Variants in RIN2 observed in about 807,000 individuals in gnomAD.
RIN2 encodes the protein Ras and Rab interactor 2.
In RIN2, 36 loss-of-function variants were observed where a neutral mutation model predicts 78.0. The observed-to-expected ratio is 0.46, with a 90% CI of 0.35 to 0.61. RIN2 has a LOEUF of 0.61. Among genes scored for constraint, RIN2 ranks in the 20% least tolerant of loss-of-function variants. RIN2 has a pLI of 0.00. For missense variants in RIN2, 1,087 were observed against 1,159.7 expected (o/e 0.94, Z 0.91); for synonymous variants, 466 against 466.8 (o/e 1.00, Z 0.02).
chr20:19,890,679 C>CAAAAAAAAAAAAAAAAAAAAAAAAAA (rs534202183), intron 3 of RIN2, among the ~76,000 whole-genome samples: 2 of 64,446 alleles, frequency 3.1e-5, no homozygotes, highest in African/African-American at 1.1e-4. Context: ...GTTGACTCTA[C>CAAAAAAAAAAAAAAAAAAAAAAAAAA]AAAAAAAAAA....
intron 11 of RIN2, among the ~76,000 whole-genome samples, chr20:19,995,977 C>T (rs1322910939): frequency 6.6e-6 from 1 of 152,136 alleles, no homozygotes; most frequent in Non-Finnish European, 1.5e-5. Context: ...CCCGTCAGGC[C>T]TTAATACCCC....
intron 4 of RIN2, among the ~76,000 whole-genome samples, chr20:19,937,344 C>A (rs905576011): frequency 6.6e-6 from 1 of 152,150 alleles, no homozygotes; most frequent in East Asian, 1.9e-4. Flanking sequence ...AAAGAAGTGG[C>A]GAGCACCGCC....
At chr20:19,878,514 G>A (rs532137093) in intron 2 of RIN2, among the ~76,000 whole-genome samples, 6 of 152,090 alleles carry the variant, frequency 3.9e-5, no homozygotes, top group African/African-American at 1.4e-4. Flanking sequence ...TTTAAACCAG[G>A]TTTCCCAAGT....
intron 2 of RIN2, among the ~76,000 whole-genome samples, chr20:19,888,221 G>A (rs2038283140): frequency 6.6e-6 from 1 of 152,136 alleles, no homozygotes; most frequent in Non-Finnish European, 1.5e-5. Flanking sequence ...GGAAGGAGGG[G>A]TGGGATGCTC....
chr20:19,825,790 C>T (rs1301080644), intron 2 of RIN2, among the ~76,000 whole-genome samples: 1 of 152,150 alleles, frequency 6.6e-6, no homozygotes, highest in African/African-American at 2.4e-5. Context: ...CACCCTCAAG[C>T]GATGTTTTCT....
chr20:19,916,805 C>G (rs953579424), intron 3 of RIN2, among the ~76,000 whole-genome samples: 24 of 152,230 alleles, frequency 1.6e-4, no homozygotes, highest in Non-Finnish European at 2.8e-4. Flanking sequence ...CACTGTTGTT[C>G]GAGCAGTAGT....
chr20:19,821,836 G>A (rs995520418), intron 2 of RIN2, among the ~76,000 whole-genome samples: 2 of 152,084 alleles, frequency 1.3e-5, no homozygotes, highest in Admixed American at 6.5e-5. Flanking sequence ...GATCTTGTTG[G>A]TAGTGTCTGG....
chr20:19,875,308 G>A (rs1600674909), intron 2 of RIN2, among the ~76,000 whole-genome samples: 3 of 152,098 alleles, frequency 2.0e-5, no homozygotes, highest in South Asian at 4.2e-4. Flanking sequence ...ACAGGCGCAC[G>A]CTACCATGCC....
chr20:19,757,785 A>ACAAAACTCTGGTCCTCG, upstream of RIN2: 3 of 152,440 alleles, frequency 2.0e-5, no homozygotes, highest in East Asian at 5.8e-4. Context: ...ATCTCCGAGA[A>ACAAAACTCTGGTCCTCG]CAAAACTCTG....
intron 1 of RIN2, among the ~76,000 whole-genome samples, chr20:19,779,990 T>G (rs952546715): frequency 6.6e-6 from 1 of 152,226 alleles, no homozygotes. Context: ...TGCTAGCACC[T>G]CATTAACAGA....
At chr20:19,922,505 A>T (rs1328680756) in intron 3 of RIN2, among the ~76,000 whole-genome samples, 1 of 152,148 alleles carries the variant, frequency 6.6e-6, no homozygotes, top group East Asian at 1.9e-4. Flanking sequence ...AAGGTCCAAG[A>T]TCTGAAAAAG....
intron 2 of RIN2, among the ~76,000 whole-genome samples, chr20:19,841,648 G>A (rs1460057058): frequency 2.6e-5 from 4 of 152,142 alleles, no homozygotes; most frequent in Non-Finnish European, 5.9e-5. Context: ...AAGGGAACTG[G>A]GACCAATGAG....
At chr20:19,820,334 C>T (rs996919317) in intron 2 of RIN2, among the ~76,000 whole-genome samples, 16 of 152,180 alleles carry the variant, frequency 1.1e-4, no homozygotes, top group South Asian at 2.1e-4. Context: ...GAGACTCCAT[C>T]GTAGCCTTTC....
intron 3 of RIN2, among the ~76,000 whole-genome samples, chr20:19,913,674 C>A (rs2039569004): frequency 6.6e-6 from 1 of 152,344 alleles, no homozygotes; most frequent in South Asian, 2.1e-4. Context: ...CAAGTGGAAT[C>A]ATACAGTGTT....
intron 7 of RIN2, among the ~76,000 whole-genome samples, chr20:19,965,664 A>G (rs941238623): frequency 6.6e-6 from 1 of 152,084 alleles, no homozygotes; most frequent in African/African-American, 2.4e-5. Flanking sequence ...CAGGCTGGAG[A>G]GCAGTGGCGT....
At chr20:19,953,389 C>T (rs930916168) in intron 4 of RIN2, among the ~76,000 whole-genome samples, 2 of 152,092 alleles carry the variant, frequency 1.3e-5, no homozygotes, top group Non-Finnish European at 2.9e-5. Context: ...GCCTCAGCAT[C>T]CCAAAGTGTG....
intron 7 of RIN2, among the ~76,000 whole-genome samples, chr20:19,968,549 C>A (rs2042010031): frequency 6.6e-6 from 1 of 152,152 alleles, no homozygotes; most frequent in African/African-American, 2.4e-5. Context: ...GATGCATATA[C>A]AACATCTAAT....
intron 2 of RIN2, among the ~76,000 whole-genome samples, chr20:19,829,932 C>T (rs1056934616): frequency 4.6e-5 from 7 of 152,320 alleles, no homozygotes; most frequent in Middle Eastern, 6.8e-3. Context: ...AGCCCATCTG[C>T]GTGGTAGAAT....
chr20:19,840,035 G>T (rs1411306084), intron 2 of RIN2, among the ~76,000 whole-genome samples: 1 of 152,172 alleles, frequency 6.6e-6, no homozygotes, highest in Non-Finnish European at 1.5e-5. Context: ...GATAACAGTG[G>T]TTACTTCGAG....
Sources: gnomAD v4.1 joint callset for allele counts (sites outside exome capture counted in the v4.1 genomes callset) on GRCh38, gnomAD v4.1.1 for gene constraint, MANE v1.5 for transcripts, NCBI Gene and HGNC (gene_info 2026-07-23, HGNC 2026-07-21) for gene names.